PDILT: variants seen among roughly 807,000 people sequenced by gnomAD.
The protein encoded by PDILT is protein disulfide isomerase like, testis expressed, also known as protein disulfide-isomerase-like protein of the testis.
A neutral mutation model predicts 53.7 loss-of-function variants in PDILT; 43 were observed. The ratio of observed to expected loss-of-function variants is 0.80; its 90% CI spans 0.63 to 1.03. The LOEUF (loss-of-function observed/expected upper bound fraction) is 1.03, where lower values mean the gene tolerates loss of function less well. PDILT is among the 50% of genes least tolerant of loss of function. PDILT has a pLI of 0.00. For missense variants in PDILT, 727 were observed against 712.3 expected, an observed-to-expected ratio of 1.02 and a Z score of -0.24; for synonymous variants, 282 against 274.2, an observed-to-expected ratio of 1.03 and a Z score of -0.28.
intron 8 of PDILT, among the ~76,000 whole-genome samples, chr16:20,366,988 C>CTATTTA (rs1567320487): frequency 3.6e-5 from 3 of 83,402 alleles, no homozygotes; most frequent in African/African-American, 1.5e-4. Flanking sequence ...TCCTTCCTTC[C>CTATTTA]TTTCTTTCTT....
chr16:20,382,327 A>G (rs1966471983), intron 3 of PDILT, among the ~76,000 whole-genome samples: 1 of 152,256 alleles, frequency 6.6e-6, no homozygotes, highest in Non-Finnish European at 1.5e-5. Flanking sequence ...GCGGATTTCA[A>G]CATACTATAG....
intron 1 of PDILT, among the ~76,000 whole-genome samples, chr16:20,402,276 A>G (rs928855514): frequency 5.5e-5 from 7 of 127,728 alleles, no homozygotes; most frequent in African/African-American, 2.2e-4. Context: ...TGTTGGAGTC[A>G]GGGAGGAGTG....
Position 20,360,628 on chromosome 16 carries a change from CA to C in PDILT, c.1445del (p.Leu482ArgfsTer30). On this transcript the variant is annotated frameshift_variant, in exon 11 of 12. Transcript: ENST00000302451. LOFTEE classifies it high-confidence loss of function. The stretch of plus-strand genomic sequence containing the variant: ...TTTCCAGGAAGTCAGAGAAGCCCTT[CA>C]GGGTGTGTTCTCCCTTATACAGGAC... ...QAVLYKGEHTLKGFSDFLESH... is the reference protein window; with the variant it reads ...QAVLYKGEHTXKGFSDFLESH... The C allele has an allele frequency of 6.2e-7, 1 of 1,614,048 alleles. No individual in the cohort carries two copies. The highest frequency in any genetic ancestry group is 8.5e-7 in the Non-Finnish European group (1 of 1,179,916).
At chr16:20,399,347 A>C (rs9928648) in intron 1 of PDILT, 40 bp from the exon 2 acceptor site, 7 of 1,597,776 alleles carry the variant, frequency 4.4e-6, no homozygotes, top group Admixed American at 1.7e-5. Flanking sequence ...TTATCAACAC[A>C]GGTGGTGGAG....
rs150026846 is a variant in PDILT, at chr16:20,362,519, T to C, written c.1301A>G (p.Tyr434Cys). 2 of 1,614,176 alleles carry C rather than the reference T, an allele frequency of 1.2e-6. No individual in the cohort carries two copies. Among genetic ancestry groups the C allele is most frequent in the Non-Finnish European group, 1.7e-6 (2 of 1,180,036 alleles). ...AATGATAATTGTGGAGTGGTTTTGA[T>C]ATTTTCTGCCCAATTCCTCCAACAG... ...FPLLEELGRK[Y>C]QNHSTIIIAK... is the part of the protein sequence containing the mutation. The change falls in exon 10 of 12, where the codon TAT becomes TGT. Residue 434 changes from tyrosine to cysteine, a missense_variant. Transcript: ENST00000302451.
intron 8 of PDILT, among the ~76,000 whole-genome samples, chr16:20,368,975 C>T (rs1265426469): frequency 6.6e-6 from 1 of 152,138 alleles, no homozygotes. Flanking sequence ...GAGACATAGA[C>T]AGTGGGTGAC....
At chr16:20,393,522 G>T (rs1208114110) in intron 2 of PDILT, among the ~76,000 whole-genome samples, 1 of 152,186 alleles carries the variant, frequency 6.6e-6, no homozygotes, top group Non-Finnish European at 1.5e-5. Flanking sequence ...GAAAAAGAAG[G>T]TGATTCATGC....
intron 3 of PDILT, among the ~76,000 whole-genome samples, chr16:20,382,111 C>T (rs534311529): frequency 6.6e-6 from 1 of 152,232 alleles, no homozygotes; most frequent in Non-Finnish European, 1.5e-5. Flanking sequence ...GTTGACCAGG[C>T]TGGTCTCAAA....
chr16:20,375,307 A>G (rs911862027), intron 4 of PDILT, among the ~76,000 whole-genome samples: 6 of 152,204 alleles, frequency 3.9e-5, no homozygotes, highest in African/African-American at 1.4e-4. Context: ...CAAAATGTGA[A>G]CTTAATGTCA....
intron 2 of PDILT, among the ~76,000 whole-genome samples, chr16:20,385,309 A>G (rs1182659951): frequency 1.3e-5 from 2 of 152,194 alleles, no homozygotes; most frequent in Non-Finnish European, 2.9e-5. Flanking sequence ...TACATGAGGA[A>G]GCTGAAGCAC....
intron 8 of PDILT, 50 bp from the exon 9 acceptor site, chr16:20,365,590 G>A (rs376574451): frequency 1.0e-5 from 16 of 1,590,928 alleles, no homozygotes; most frequent in Non-Finnish European, 1.3e-5. Flanking sequence ...GGGTCTTGAA[G>A]TTGTGGGGCT....
intron 9 of PDILT, among the ~76,000 whole-genome samples, chr16:20,363,328 G>A (rs1410211729): frequency 6.6e-6 from 1 of 152,100 alleles, no homozygotes; most frequent in African/African-American, 2.4e-5. Context: ...GTGCCACTGT[G>A]CCCAGCTTGC....
At chr16:20,361,969 A>G (rs1158089056) in intron 10 of PDILT, among the ~76,000 whole-genome samples, 1 of 152,210 alleles carries the variant, frequency 6.6e-6, no homozygotes, top group East Asian at 1.9e-4. Flanking sequence ...GTTATGGCCA[A>G]TGACTGTAAT....
chr16:20,367,139 G>C (rs1334423537), intron 8 of PDILT, among the ~76,000 whole-genome samples: 1 of 143,780 alleles, frequency 7.0e-6, no homozygotes, highest in East Asian at 2.1e-4. Context: ...GTCTCGCTCT[G>C]TCACCCAGGC....
intron 1 of PDILT, among the ~76,000 whole-genome samples, chr16:20,400,613 C>G (rs1966727960): frequency 6.6e-6 from 1 of 151,998 alleles, no homozygotes; most frequent in Non-Finnish European, 1.5e-5. Context: ...ATTTCAACTT[C>G]TATTTGGGAA....
intron 1 of PDILT, among the ~76,000 whole-genome samples, chr16:20,402,207 T>C (rs534091826): frequency 1.3e-5 from 2 of 152,372 alleles, no homozygotes; most frequent in East Asian, 3.9e-4. Context: ...ATGCAATCAA[T>C]GGTGTGTCAG....
At chr16:20,398,447 C>A (rs1966688991) in intron 2 of PDILT, among the ~76,000 whole-genome samples, 1 of 152,096 alleles carries the variant, frequency 6.6e-6, no homozygotes, top group African/African-American at 2.4e-5. Flanking sequence ...CGTGGTGAAA[C>A]CCTGTCTCTA....
chr16:20,368,190 T>C (rs1340881476), intron 8 of PDILT, among the ~76,000 whole-genome samples: 1 of 152,026 alleles, frequency 6.6e-6, no homozygotes, highest in African/African-American at 2.4e-5. Flanking sequence ...CGTCAGCTAT[T>C]GGAGAAGAGA....
At chr16:20,372,569 T>C (rs1966322187) in intron 7 of PDILT, among the ~76,000 whole-genome samples, 3 of 152,176 alleles carry the variant, frequency 2.0e-5, no homozygotes, top group African/African-American at 4.8e-5. Flanking sequence ...TGAAGAAGTG[T>C]AGATTTGGCA....
Sources: gnomAD v4.1 joint callset for allele counts (sites outside exome capture counted in the v4.1 genomes callset) on GRCh38, gnomAD v4.1.1 for gene constraint, MANE v1.5 for transcripts, NCBI Gene and HGNC (gene_info 2026-07-23, HGNC 2026-07-21) for gene names.